The following C16orf74 variants were observed in gnomAD, a reference collection of about 807,000 sequenced individuals.
The protein encoded by C16orf74 is uncharacterized protein C16orf74.
C16orf74 carries 10 observed loss-of-function variants against 6.5 expected under a neutral mutation model. The observed-to-expected ratio is 1.54, with a 90% confidence interval of 0.95 to 2.61. C16orf74 has a LOEUF of 2.61. Among genes scored for constraint, C16orf74 ranks in the 30% most tolerant of loss-of-function variants. The pLI is 0.00. For missense variants in C16orf74, 141 were observed against 105.9 expected, an observed-to-expected ratio of 1.33 and a Z score of -1.45; for synonymous variants, 60 against 42.5, an observed-to-expected ratio of 1.41 and a Z score of -1.60.
chr16:85,722,758 C>A (rs1217637758), intron 2 of C16orf74, among the ~76,000 whole-genome samples: 1 of 152,252 alleles, frequency 6.6e-6, no homozygotes, highest in Non-Finnish European at 1.5e-5. Context: ...CGGCCCAGGG[C>A]CCCAGGAGCT....
chr16:85,731,454 A>G (rs2054186569), intron 2 of C16orf74, among the ~76,000 whole-genome samples: 2 of 152,176 alleles, frequency 1.3e-5, no homozygotes, highest in Non-Finnish European at 2.9e-5. Flanking sequence ...GTCACCTGGA[A>G]ACAGGTGGGT....
chr16:85,729,909 G>C (rs2054170598), intron 2 of C16orf74, among the ~76,000 whole-genome samples: 1 of 152,188 alleles, frequency 6.6e-6, no homozygotes, highest in East Asian at 1.9e-4. Flanking sequence ...AAAAATTGCT[G>C]TTTTAAGCCC....
chr16:85,726,933 A>C (rs1409968852), intron 2 of C16orf74, among the ~76,000 whole-genome samples: 2 of 152,116 alleles, frequency 1.3e-5, no homozygotes, highest in Admixed American at 1.3e-4. Flanking sequence ...GTGCCAGGCC[A>C]GCTCTTTAGG....
At position 85,748,933 on chromosome 16, in the gene C16orf74, T is replaced by A. The variant is rs968480223; in HGVS notation, c.-19+1993A>T. Among the ~76,000 whole-genome samples, 130 of 19,456 alleles carry A rather than the reference T, an allele frequency of 6.7e-3. 3 individuals are homozygous for A. The East Asian group carries it at 0.16, about 25-fold the overall frequency. 12.8% of individuals were successfully genotyped at this position (19,456 alleles called of 152,430 possible). On this transcript the variant is annotated intron_variant, in intron 1 of 3. Coordinates refer to ENST00000284245, the MANE Select transcript of C16orf74 (RefSeq NM_206967.3). ...ATGATTGGGAGGCTTTGATTTTTTT[T>A]TTTTTTTTTTTTTTATTTTATTTTT...
At chr16:85,727,607 C>G (rs1375160566) in intron 2 of C16orf74, among the ~76,000 whole-genome samples, 1 of 151,122 alleles carries the variant, frequency 6.6e-6, no homozygotes, top group East Asian at 2.0e-4. Context: ...CCCAGGAGTT[C>G]AAGACCAACC....
intron 1 of C16orf74, among the ~76,000 whole-genome samples, chr16:85,748,783 G>A (rs1337648062): frequency 6.6e-6 from 1 of 151,942 alleles, no homozygotes; most frequent in Non-Finnish European, 1.5e-5. Context: ...TGGTCTGCGG[G>A]GTCTCAATTT....
In C16orf74 at chr16:85,743,477, A is replaced by G. The variant is rs61389367; in HGVS notation, c.-19+7449T>C. The G allele has an allele frequency of 2.6e-5, 4 of 152,266 alleles. No homozygotes were observed. The East Asian group carries it at 7.7e-4, about 29-fold the overall frequency. 9.4% of individuals were successfully genotyped at this position (152,266 alleles called of 1,614,324 possible). ...TCACAGCTGTCCAGCGACTCCCAGC[A>G]CCCAGGGCTAGCAAGCTACAGCTCT... On this transcript the variant is annotated intron_variant, in intron 1 of 3. Coordinates refer to ENST00000284245, the MANE Select transcript of C16orf74 (RefSeq NM_206967.3).
chr16:85,748,925 ATTT>A (rs748594620), intron 1 of C16orf74, among the ~76,000 whole-genome samples: 2 of 73,118 alleles, frequency 2.7e-5, no homozygotes, highest in South Asian at 7.3e-4. Context: ...GGAGGCTTTG[ATTT>A]TTTTTTTTTT....
intron 2 of C16orf74, among the ~76,000 whole-genome samples, chr16:85,728,815 G>A (rs956860672): frequency 2.6e-5 from 4 of 152,158 alleles, no homozygotes; most frequent in African/African-American, 9.7e-5. Flanking sequence ...CTTGCACAAC[G>A]TTGCAGTCAG....
At chr16:85,739,979 G>A (rs2054285245) in intron 1 of C16orf74, among the ~76,000 whole-genome samples, 1 of 151,852 alleles carries the variant, frequency 6.6e-6, no homozygotes, top group Non-Finnish European at 1.5e-5. Context: ...GGAGGCCGAG[G>A]CGGGTGGATC....
chr16:85,715,992 G>A (rs903046426), intron 2 of C16orf74, among the ~76,000 whole-genome samples: 2 of 143,816 alleles, frequency 1.4e-5, no homozygotes, highest in Admixed American at 6.7e-5. Flanking sequence ...GGAGGCCCCC[G>A]ACAAAAGGAA....
chr16:85,709,283 G>A (rs2053943444), intron 3 of C16orf74, among the ~76,000 whole-genome samples: 3 of 152,168 alleles, frequency 2.0e-5, no homozygotes, highest in Admixed American at 2.0e-4. Flanking sequence ...GAATGAAGGA[G>A]GTGGAGGTTG....
intron 1 of C16orf74, among the ~76,000 whole-genome samples, chr16:85,738,264 C>T (rs1489478591): frequency 6.6e-6 from 1 of 151,652 alleles, no homozygotes; most frequent in Non-Finnish European, 1.5e-5. Flanking sequence ...ATGCTGCTTG[C>T]TGCCTGAGCC....
chr16:85,713,199 C>T (rs974820248), intron 2 of C16orf74, among the ~76,000 whole-genome samples: 1 of 152,104 alleles, frequency 6.6e-6, no homozygotes, highest in South Asian at 2.1e-4. Flanking sequence ...TTCCTAGGCT[C>T]GTAGAAGCCT....
chr16:85,729,100 G>A (rs1011488764), intron 2 of C16orf74, among the ~76,000 whole-genome samples: 8 of 152,106 alleles, frequency 5.3e-5, no homozygotes, highest in Non-Finnish European at 7.4e-5. Flanking sequence ...TGGAGAGGGC[G>A]CACTTAGGAA....
At chr16:85,719,389 G>A (rs771255055) in intron 2 of C16orf74, among the ~76,000 whole-genome samples, 2 of 152,150 alleles carry the variant, frequency 1.3e-5, no homozygotes, top group Non-Finnish European at 1.5e-5. Context: ...AGTGATTCAA[G>A]CTATCACTGG....
At chr16:85,733,080 G>A (rs2054207244) in intron 2 of C16orf74, among the ~76,000 whole-genome samples, 1 of 152,204 alleles carries the variant, frequency 6.6e-6, no homozygotes, top group Non-Finnish European at 1.5e-5. Flanking sequence ...AGTGGTCCCA[G>A]AGATACCTCC....
intron 2 of C16orf74, among the ~76,000 whole-genome samples, chr16:85,722,848 G>A (rs2054096303): frequency 2.0e-5 from 3 of 152,196 alleles, no homozygotes; most frequent in Admixed American, 1.3e-4. Context: ...TGCACCAGGC[G>A]CCACGGTGCC....
chr16:85,730,010 C>G (rs1200447750), intron 2 of C16orf74, among the ~76,000 whole-genome samples: 1 of 152,188 alleles, frequency 6.6e-6, no homozygotes, highest in Non-Finnish European at 1.5e-5. Flanking sequence ...CCCATCCCAG[C>G]CAGCCAAGTC....
Sources: gnomAD v4.1 joint callset for allele counts (sites outside exome capture counted in the v4.1 genomes callset) on GRCh38, gnomAD v4.1.1 for gene constraint, MANE v1.5 for transcripts, NCBI Gene and HGNC (gene_info 2026-07-23, HGNC 2026-07-21) for gene names.